The following ZNF730 variants were observed in gnomAD, a reference collection of about 807,000 sequenced individuals.
ZNF730 encodes putative zinc finger protein 730.
In ZNF730, 12 loss-of-function variants were observed where a neutral mutation model predicts 12.6. That is an observed-to-expected ratio of 0.95 (90% CI 0.61 to 1.54). ZNF730 has a LOEUF of 1.54. ZNF730 is among the 40% of genes most tolerant of loss of function. The probability of loss-of-function intolerance (pLI) is 0.00; values close to 1 mark genes in which losing one functional copy is unlikely to be tolerated. For missense variants in ZNF730, 643 were observed against 583.5 expected (o/e 1.10, Z -1.05); for synonymous variants, 194 against 195.8 (o/e 0.99, Z 0.08).
chr19:23,084,708 C>A (rs796128223), intron 1 of ZNF730, among the ~76,000 whole-genome samples: 1 of 152,120 alleles, frequency 6.6e-6, no homozygotes, highest in South Asian at 2.1e-4. Flanking sequence ...TGAGAACATG[C>A]AGTATTTGGT....
chr19:23,130,461 T>G (rs936126427), intron 1 of ZNF730, among the ~76,000 whole-genome samples: 1 of 152,172 alleles, frequency 6.6e-6, no homozygotes, highest in Non-Finnish European at 1.5e-5. Flanking sequence ...GAATAAAGGT[T>G]GAATTATGCA....
intron 1 of ZNF730, chr19:23,127,107 G>T (rs2145631743): frequency 3.9e-6 from 2 of 508,076 alleles, no homozygotes; most frequent in East Asian, 5.2e-5. Flanking sequence ...CCTTCTATGA[G>T]TTAGCAGATG....
chr19:23,088,712 A>C (rs1461888062), intron 1 of ZNF730, among the ~76,000 whole-genome samples: 1 of 150,946 alleles, frequency 6.6e-6, no homozygotes, highest in African/African-American at 2.4e-5. Context: ...TGATCTGCCT[A>C]CCTCAGCTTC....
intron 3 of ZNF730, among the ~76,000 whole-genome samples, chr19:23,142,109 A>G (rs1469938449): frequency 6.6e-6 from 1 of 152,152 alleles, no homozygotes; most frequent in Non-Finnish European, 1.5e-5. Flanking sequence ...AATGTTTCAT[A>G]GGTTCCCAGT....
intron 1 of ZNF730, among the ~76,000 whole-genome samples, chr19:23,080,095 G>A (rs558686177): frequency 2.6e-5 from 4 of 151,848 alleles, no homozygotes; most frequent in East Asian, 3.9e-4. Flanking sequence ...ACAGGCACGC[G>A]CCACCATGCC....
Position 23,085,785 on chromosome 19 carries a change from A to G in ZNF730, c.-94+10398A>G, listed in dbSNP as rs1411048015. ...CCCGCCTTTGTCTCCAAAAGTGATG[A>G]TTACTGATGTGAGCCACCGCACCCA... On this transcript the variant is annotated intron_variant, in intron 1 of 2. Transcript: ENST00000593635. 1.5e-5 allele frequency among the ~76,000 whole-genome samples: 2 copies of G among 131,512 alleles called. 1 individual carries two copies. The highest frequency in any genetic ancestry group is 5.8e-5 in the African/African-American group (2 of 34,774). 86.3% of individuals were successfully genotyped at this position (131,512 alleles called of 152,430 possible). A position where few individuals can be genotyped will look rare whatever the true frequency, so the allele number is the denominator to read the frequency against.
chr19:23,108,395 G>T (rs1286368696), intron 1 of ZNF730, among the ~76,000 whole-genome samples: 1 of 152,110 alleles, frequency 6.6e-6, no homozygotes, highest in Non-Finnish European at 1.5e-5. Context: ...ATTGGTTTAG[G>T]ATGAGGGATG....
At chr19:23,100,342 A>G (rs1351065253) in intron 1 of ZNF730, 4 of 152,192 alleles carry the variant, frequency 2.6e-5, no homozygotes, top group Admixed American at 2.6e-4. Flanking sequence ...AAAGCAATAG[A>G]GTTAATGTTG....
intron 1 of ZNF730, among the ~76,000 whole-genome samples, chr19:23,102,500 A>AT (rs960535598): frequency 1.4e-4 from 20 of 141,674 alleles, no homozygotes; most frequent in African/African-American, 5.0e-4. Flanking sequence ...TATTTTATTT[A>AT]TTTTTTTTAT....
chr19:23,107,730 ACTCAT>A (rs1201930930), intron 1 of ZNF730, among the ~76,000 whole-genome samples: 3 of 152,162 alleles, frequency 2.0e-5, no homozygotes, highest in Non-Finnish European at 4.4e-5. Context: ...CAAAATGCTA[ACTCAT>A]CTCAGAATAA....
chr19:23,105,421 A>G (rs553187788), intron 1 of ZNF730, among the ~76,000 whole-genome samples: 1 of 152,082 alleles, frequency 6.6e-6, no homozygotes, highest in East Asian at 1.9e-4. Flanking sequence ...CCAGAACCCA[A>G]TATTTTCTAC....
chr19:23,104,971 T>C (rs916901736), intron 1 of ZNF730, among the ~76,000 whole-genome samples: 2 of 152,204 alleles, frequency 1.3e-5, no homozygotes, highest in Admixed American at 6.5e-5. Context: ...GAAGGTCTTA[T>C]TCCTTGTGGA....
At chr19:23,099,764 A>G (rs371231676) in intron 1 of ZNF730, among the ~76,000 whole-genome samples, 1 of 152,136 alleles carries the variant, frequency 6.6e-6, no homozygotes, top group Non-Finnish European at 1.5e-5. Flanking sequence ...ATGTCACCAA[A>G]AGACCTTCTT....
At chr19:23,133,913 AT>A (rs1194930216) in intron 1 of ZNF730, among the ~76,000 whole-genome samples, 166 bp from the exon 2 acceptor site, 1 of 152,232 alleles carries the variant, frequency 6.6e-6, no homozygotes, top group Non-Finnish European at 1.5e-5. Flanking sequence ...GAGTTAGAGT[AT>A]ATTTTCACAG....
At chr19:23,075,280 C>T (rs1969835959) in exon 1 of ZNF730, 2 of 153,066 alleles carry the variant, frequency 1.3e-5, no homozygotes, top group African/African-American at 2.4e-5. Flanking sequence ...ACCTGGGAAC[C>T]ACCGACCCCC....
intron 1 of ZNF730, among the ~76,000 whole-genome samples, chr19:23,092,757 A>G (rs1970178355): frequency 6.6e-6 from 1 of 152,030 alleles, no homozygotes; most frequent in South Asian, 2.1e-4. Context: ...ATGTTCAACC[A>G]ACCTTGCATT....
upstream of ZNF730, among the ~76,000 whole-genome samples, chr19:23,116,671 TC>T (rs761495984): frequency 2.6e-4 from 39 of 147,662 alleles, no homozygotes; most frequent in Non-Finnish European, 4.0e-4. Flanking sequence ...TCCACCCGCC[TC>T]GGCCCCCCAA....
intron 1 of ZNF730, chr19:23,100,291 G>C (rs550236283): frequency 6.6e-6 from 1 of 152,232 alleles, no homozygotes; most frequent in East Asian, 1.9e-4. Context: ...GACATATATC[G>C]TGGCCAAGCA....
chr19:23,115,520 C>T (rs552685433), upstream of ZNF730, among the ~76,000 whole-genome samples: 5 of 152,262 alleles, frequency 3.3e-5, no homozygotes, highest in South Asian at 2.1e-4. Context: ...TGAACATGAC[C>T]GTGTGCCAGT....
Sources: allele counts gnomAD v4.1 joint callset (sites outside exome capture counted in the v4.1 genomes callset), GRCh38; gene constraint gnomAD v4.1.1; transcripts MANE v1.5; gene names NCBI Gene and HGNC (gene_info 2026-07-23, HGNC 2026-07-21).